The following HBP1 variants were observed in gnomAD, a reference collection of about 807,000 sequenced individuals.
The protein encoded by HBP1 is HMG-box transcription factor 1.
HBP1 carries 20 observed loss-of-function variants against 62.6 expected under a neutral mutation model. The observed-to-expected ratio is 0.32, with a 90% CI of 0.22 to 0.46. The LOEUF (loss-of-function observed/expected upper bound fraction) is 0.46. Among genes scored for constraint, HBP1 ranks in the 20% least tolerant of loss-of-function variants. The pLI is 1.00. For missense variants in HBP1, 480 were observed against 611.8 expected, an observed-to-expected ratio of 0.78 and a Z score of 2.27; for synonymous variants, 232 against 206.2, an observed-to-expected ratio of 1.12 and a Z score of -1.07.
chr7:107,172,501 A>G (rs1796647366), intron 1 of HBP1, among the ~76,000 whole-genome samples: 1 of 152,184 alleles, frequency 6.6e-6, no homozygotes, highest in African/African-American at 2.4e-5. Flanking sequence ...TCGTTTTAAT[A>G]TGTGACTTAT....
intron 1 of HBP1, among the ~76,000 whole-genome samples, chr7:107,175,964 C>T (rs959775472): frequency 3.3e-5 from 5 of 152,070 alleles, no homozygotes; most frequent in Non-Finnish European, 7.4e-5. Context: ...GATCTGCCCG[C>T]CTCAGCCTTC....
intron 1 of HBP1, among the ~76,000 whole-genome samples, chr7:107,174,944 AAAG>A (rs1796761910): frequency 6.6e-6 from 1 of 152,156 alleles, no homozygotes; most frequent in Non-Finnish European, 1.5e-5. Flanking sequence ...TTAGGTGTTT[AAAG>A]AACTCACATA....
chr7:107,179,782 C>G, intron 1 of HBP1, 97 bp from the exon 2 acceptor site: 1 of 721,188 alleles, frequency 1.4e-6, no homozygotes, highest in Non-Finnish European at 2.2e-6. Flanking sequence ...AAAAAAAAAA[C>G]AAAACAACAT....
Position 107,196,212 on chromosome 7 carries a change from A to G in HBP1, c.1385+61A>G, listed in dbSNP as rs974751493. 7.4e-6 allele frequency: 7 copies of G among 946,832 alleles called. No individual in the cohort carries two copies. The Admixed American group carries it at 1.0e-4, about 14-fold the overall frequency. The allele number at this position is 946,832 out of a possible 1,614,324, so 58.7% of individuals were successfully genotyped here. On this transcript the variant is annotated intron_variant, in intron 9 of 10. Transcript: ENST00000222574. ...GTAACACTTCAATACGGTTCATGGTAACTGGAATAGTTAAGTAAACTTATT... is the reference window on the plus strand; with the variant it reads ...GTAACACTTCAATACGGTTCATGGTGACTGGAATAGTTAAGTAAACTTATT...
intron 1 of HBP1, among the ~76,000 whole-genome samples, chr7:107,171,071 A>ATGTTTTTTTTTT (rs1160740045): frequency 1.2e-5 from 1 of 84,306 alleles, no homozygotes; most frequent in African/African-American, 8.2e-5. Flanking sequence ...ATATATATAT[A>ATGTTTTTTTTTT]TATTTTTTTT....
At chr7:107,177,325 AC>A (rs1360571215) in intron 1 of HBP1, among the ~76,000 whole-genome samples, 1 of 152,208 alleles carries the variant, frequency 6.6e-6, no homozygotes, top group East Asian at 1.9e-4. Flanking sequence ...CCTTTTTGCT[AC>A]ACCATAATAG....
At position 107,182,620 on chromosome 7, in the gene HBP1, T is replaced by C. The variant is rs771407317; in HGVS notation, c.398+19T>C. Reference sequence around the variant, plus strand: ...ACAATAGGTAGGAGCATTTATTATATTTTTATTGAAACATTCTATCATTAC... The same window carrying C: ...ACAATAGGTAGGAGCATTTATTATACTTTTATTGAAACATTCTATCATTAC... On this transcript the variant is annotated intron_variant, in intron 3 of 10. Transcript: ENST00000222574. The C allele has an allele frequency of 7.6e-7, 1 of 1,321,556 alleles. No homozygotes were observed. Among genetic ancestry groups the C allele is most frequent in the Admixed American group, 1.8e-5 (1 of 55,554 alleles). 81.9% of individuals were successfully genotyped at this position (1,321,556 alleles called of 1,614,324 possible).
In HBP1 at chr7:107,172,184, C is replaced by T. The variant is rs980620226; in HGVS notation, c.-16+2999C>T. Reference sequence around the variant, plus strand: ...GGTTGAGTTTTTAAAAGTTATTGATCATAGCTTTAAAAAAAAGCTTTTCCC... The same window carrying T: ...GGTTGAGTTTTTAAAAGTTATTGATTATAGCTTTAAAAAAAAGCTTTTCCC... On this transcript the variant is annotated intron_variant, in intron 1 of 10. Coordinates refer to ENST00000222574, the MANE Select transcript of HBP1 (RefSeq NM_012257.4). Among the ~76,000 whole-genome samples, 26 of 151,674 alleles carry T rather than the reference C, an allele frequency of 1.7e-4. No homozygotes were observed. In the East Asian group the frequency reaches 5.0e-3, roughly 29 times the overall value.
intron 1 of HBP1, 75 bp downstream of exon 1, chr7:107,169,260 TG>T (rs961698574): frequency 5.2e-5 from 39 of 754,104 alleles, no homozygotes; most frequent in African/African-American, 6.2e-5. Flanking sequence ...TTGGGCAGAC[TG>T]GAGGGCTCGG....
chr7:107,184,899 A>G (rs1438847802), intron 3 of HBP1, among the ~76,000 whole-genome samples: 2 of 152,208 alleles, frequency 1.3e-5, no homozygotes, highest in African/African-American at 4.8e-5. Flanking sequence ...CATCTCAGAC[A>G]ATTATCCTGA....
intron 2 of HBP1, among the ~76,000 whole-genome samples, chr7:107,180,950 C>T (rs529767174): frequency 2.5e-4 from 38 of 152,250 alleles, no homozygotes; most frequent in African/African-American, 8.9e-4. Flanking sequence ...CCCCTTCCAC[C>T]TATGACTTCG....
intron 6 of HBP1, 115 bp downstream of exon 6, chr7:107,186,796 T>G: frequency 1.5e-6 from 1 of 659,626 alleles, no homozygotes; most frequent in Admixed American, 2.8e-5. Context: ...CATCGTACAT[T>G]TTAGGTAGAG....
intron 2 of HBP1, 63 bp downstream of exon 2, chr7:107,180,125 C>T: frequency 9.8e-7 from 1 of 1,020,338 alleles, no homozygotes; most frequent in Non-Finnish European, 1.5e-6. Flanking sequence ...TTCTACTTAG[C>T]CCGCTTCTCC....
intron 1 of HBP1, among the ~76,000 whole-genome samples, chr7:107,178,325 A>C (rs1184661318): frequency 2.0e-5 from 3 of 152,222 alleles, no homozygotes; most frequent in African/African-American, 7.2e-5. Flanking sequence ...CTTTTTTAAA[A>C]AATGGAATTT....
At position 107,169,108 on chromosome 7, in the gene HBP1, A is replaced by G; in HGVS notation, c.-93A>G. 2 of 1,274,826 alleles carry G rather than the reference A, an allele frequency of 1.6e-6. No homozygotes were observed. The highest frequency in any genetic ancestry group is 2.0e-6 in the Non-Finnish European group (2 of 982,392). The allele number at this position is 1,274,826 out of a possible 1,614,324, so 79.0% of individuals were successfully genotyped here. ...CGCGGGGGAGGCCGACGTCGGTCGG[A>G]GAGGGGGTACGAGAGCTGCTGGTGG... On this transcript the variant is annotated 5_prime_UTR_variant, in exon 1 of 11. Coordinates refer to ENST00000222574, the MANE Select transcript of HBP1 (RefSeq NM_012257.4).
chr7:107,179,888 C>G lies in HBP1; in HGVS notation c.-6C>G. On this transcript the variant is annotated 5_prime_UTR_variant, in exon 2 of 11. Coordinates refer to ENST00000222574, the MANE Select transcript of HBP1 (RefSeq NM_012257.4). ...TCGTTTTTATTTTAAGTCAGAGCACCATAACATGGTGTGGGAAGTGAAGAC... is the reference window on the plus strand; with the variant it reads ...TCGTTTTTATTTTAAGTCAGAGCACGATAACATGGTGTGGGAAGTGAAGAC... The G allele has an allele frequency of 6.4e-7, 1 of 1,572,754 alleles. No homozygotes were observed. The highest frequency in any genetic ancestry group is 8.7e-7 in the Non-Finnish European group (1 of 1,148,004).
Position 107,180,065 on chromosome 7 carries a change from A to G in HBP1, c.169+3A>G. 1.3e-6 allele frequency: 2 copies of G among 1,544,988 alleles called. No homozygotes were observed. The highest frequency in any genetic ancestry group is 1.2e-5 in the South Asian group (1 of 84,532). ...CTGTGATGAACACATGGAGCTTGGTAAGCAAAATTAAAAGTTATATAGAAA... is the reference window on the plus strand; with the variant it reads ...CTGTGATGAACACATGGAGCTTGGTGAGCAAAATTAAAAGTTATATAGAAA... On this transcript the variant is annotated splice_donor_region_variant and intron_variant, in intron 2 of 10. Transcript: ENST00000222574.
intron 8 of HBP1, among the ~76,000 whole-genome samples, chr7:107,193,763 C>T (rs894978691): frequency 6.6e-6 from 1 of 152,072 alleles, no homozygotes; most frequent in Non-Finnish European, 1.5e-5. Flanking sequence ...GCAGTGTAGC[C>T]TGATAGGAAC....
intron 6 of HBP1, 38 bp from the exon 7 acceptor site, chr7:107,189,254 A>T: frequency 3.8e-6 from 6 of 1,567,588 alleles, no homozygotes; most frequent in Non-Finnish European, 5.2e-6. Context: ...TTTGAATTGA[A>T]CATTTCCAAT....
Sources: gnomAD v4.1 joint callset for allele counts (sites outside exome capture counted in the v4.1 genomes callset) on GRCh38, gnomAD v4.1.1 for gene constraint, MANE v1.5 for transcripts, NCBI Gene and HGNC (gene_info 2026-07-23, HGNC 2026-07-21) for gene names.